The following HPS3 variants were observed in gnomAD, a reference collection of about 807,000 sequenced individuals.
The protein encoded by HPS3 is HPS3 biogenesis of lysosomal organelles complex 2 subunit 1.
A neutral mutation model predicts 110.9 loss-of-function variants in HPS3; 79 were observed. That is an observed-to-expected ratio of 0.71 (90% CI 0.59 to 0.86). HPS3 has a LOEUF of 0.86. HPS3 is among the 40% of genes least tolerant of loss of function. The pLI is 0.00. For missense variants in HPS3, 1,197 were observed against 1,206.2 expected, an observed-to-expected ratio of 0.99 and a Z score of 0.11; for synonymous variants, 428 against 451.0, an observed-to-expected ratio of 0.95 and a Z score of 0.65.
At chr3:149,163,046 G>A (rs1020280193) in intron 13 of HPS3, among the ~76,000 whole-genome samples, 168 bp downstream of exon 13, 21 of 152,090 alleles carry the variant, frequency 1.4e-4, no homozygotes, top group African/African-American at 5.1e-4. Flanking sequence ...AACTGAAGTG[G>A]CCTACATTTT....
chr3:149,157,428 C>T lies in HPS3; in HGVS notation c.1588C>T (p.Arg530Ter), dbSNP rs755841847. The T allele has an allele frequency of 9.3e-6, 15 of 1,613,858 alleles. No homozygotes were observed. Among genetic ancestry groups the T allele is most frequent in the East Asian group, 2.2e-5 (1 of 44,876 alleles). The change falls in exon 9 of 17, where the codon CGA (arginine) becomes TGA (stop). Residue 530 changes from arginine (R) to a stop codon, truncating the protein, a stop_gained. Transcript: ENST00000296051. LOFTEE classifies it high-confidence loss of function. The part of the protein sequence containing the change: ...HLLSEAHLLV[R>*]AALMDASQLE... ...TCTCAGTGAGGCTCATCTGTTAGTG[C>T]GAGCTGCCCTGATGGATGCCAGTCA... is the stretch of plus-strand genomic sequence containing the variant.
intron 11 of HPS3, among the ~76,000 whole-genome samples, chr3:149,161,786 A>C (rs546979795): frequency 6.6e-6 from 1 of 152,288 alleles, no homozygotes; most frequent in Non-Finnish European, 1.5e-5. Flanking sequence ...CTGGGATTAC[A>C]GGTGTGAGCT....
At position 149,145,512 on chromosome 3, in the gene HPS3, G is replaced by T; in HGVS notation, c.1129G>T (p.Val377Leu). ...GTATCCTGAAAAGTCTCAGCAGGCA[G>T]TACTCACGCCACAATTTTTGCACGT... The part of the protein sequence containing the change: ...YQYPEKSQQA[V>L]LTPQFLHVIT... Residue 377 changes from valine (V) to leucine (L), a missense_variant, in exon 5 of 17, where the codon GTA becomes TTA. Coordinates refer to ENST00000296051, the MANE Select transcript of HPS3 (RefSeq NM_032383.5). 1 of 1,614,098 alleles carries T rather than the reference G, an allele frequency of 6.2e-7. No individual in the cohort carries two copies. The highest frequency in any genetic ancestry group is 1.3e-5 in the African/African-American group (1 of 75,010).
In HPS3 at chr3:149,157,452, C is replaced by G. The variant is rs1381930551; in HGVS notation, c.1612C>G (p.Gln538Glu). Residue 538 changes from glutamine to glutamate, a missense_variant, in exon 9 of 17, where the codon CAG (glutamine) becomes GAG (glutamate). Physicochemically the swap from Gln to Glu is conservative, Grantham distance 29 (BLOSUM62 2). Coordinates refer to ENST00000296051, the MANE Select transcript of HPS3 (RefSeq NM_032383.5). ...LVRAALMDAS[Q>E]LEPGEKAELL... ...GCGAGCTGCCCTGATGGATGCCAGT[C>G]AGCTGGAACCTGGAGAGAAGGCAGA... 6.2e-7 allele frequency: 1 copy of G among 1,613,866 alleles called. No homozygotes were observed. Among genetic ancestry groups the G allele is most frequent in the Admixed American group, 1.7e-5 (1 of 59,958 alleles).
Position 149,171,018 on chromosome 3 carries a change from G to A in HPS3, c.2888-1077G>A, listed in dbSNP as rs138487607. On this transcript the variant is annotated intron_variant, in intron 16 of 16. Coordinates refer to ENST00000296051, the MANE Select transcript of HPS3 (RefSeq NM_032383.5). ...ACTGGGGCCAGGTGCGGTGGCTCAC[G>A]CCGGTAATCCCAGTGCTTTGGGAGG... 5.5e-4 allele frequency among the ~76,000 whole-genome samples: 83 copies of A among 152,266 alleles called. 1 individual carries two copies. The East Asian group carries it at 0.015, about 27-fold the overall frequency.
chr3:149,130,060 G>T (rs532390121), intron 1 of HPS3, 120 bp downstream of exon 1: 4 of 987,310 alleles, frequency 4.1e-6, no homozygotes, highest in Non-Finnish European at 6.0e-6. Flanking sequence ...CCCGGAATTT[G>T]CCGGATGGTC....
chr3:149,148,303 C>G (rs938453960), intron 5 of HPS3, among the ~76,000 whole-genome samples: 1 of 147,850 alleles, frequency 6.8e-6, no homozygotes, highest in African/African-American at 2.5e-5. Flanking sequence ...AAGCAAAGAA[C>G]AAAATAAAAT....
intron 1 of HPS3, among the ~76,000 whole-genome samples, chr3:149,135,439 C>T (rs751954584): frequency 1.3e-5 from 2 of 152,120 alleles, no homozygotes; most frequent in Non-Finnish European, 2.9e-5. Context: ...AGTGAATTCT[C>T]ATGAGATCTG....
Position 149,141,531 on chromosome 3 carries a change from GTTTTTTTTTTTTT to G in HPS3, c.970+160_970+172del, listed in dbSNP as rs10718838. 5 of 380,804 alleles carry G rather than the reference GTTTTTTTTTTTTT, an allele frequency of 1.3e-5. No homozygotes were observed. The East Asian group carries it at 2.2e-4, about 17-fold the overall frequency. 23.6% of individuals were successfully genotyped at this position (380,804 alleles called of 1,614,324 possible). A position where few individuals can be genotyped will look rare whatever the true frequency, so the allele number is the denominator to read the frequency against. On this transcript the variant is annotated intron_variant, in intron 4 of 16. Transcript: ENST00000296051. Reference sequence around the variant, plus strand: ...GCCCTTTAACAAAGTTTTTTTTTTTGTTTTTTTTTTTTTTTTTTTTTGAGACTGAGTCTCGCTT... The same window carrying G: ...GCCCTTTAACAAAGTTTTTTTTTTTGTTTTTTTTGAGACTGAGTCTCGCTT...
At chr3:149,168,536 C>T (rs55661870) in intron 16 of HPS3, 22,704 of 155,704 alleles carry the variant, frequency 0.15, 2,255 homozygotes, top group East Asian at 0.28. Context: ...TTCCCAATGA[C>T]AAAGGGTATG....
chr3:149,155,393 G>C (rs1428916758), intron 8 of HPS3, among the ~76,000 whole-genome samples, 178 bp downstream of exon 8: 1 of 152,048 alleles, frequency 6.6e-6, no homozygotes, highest in Admixed American at 6.6e-5. Flanking sequence ...TCTGACATCC[G>C]AGGAACCAGT....
rs1178638282 is a variant in HPS3 at position 149,167,035 on chromosome 3, C to T, written c.2591C>T (p.Ser864Phe). ...NYTEDLSKLQ[S>F]LICGPSFDIA... is the part of the protein sequence containing the mutation. Reference sequence around the variant, plus strand: ...AACATTTCACTTTTCTGTTCATAGTCTCTTATATGTGGTCCTTCATTTGAC... The same window carrying T: ...AACATTTCACTTTTCTGTTCATAGTTTCTTATATGTGGTCCTTCATTTGAC... The change falls in exon 15 of 17, where the codon TCT (serine) becomes TTT (phenylalanine). Residue 864 changes from serine to phenylalanine, a missense_variant and splice_region_variant. By Grantham distance (155) the Ser-to-Phe change is radical. Coordinates refer to ENST00000296051, the MANE Select transcript of HPS3 (RefSeq NM_032383.5). 5 of 1,609,542 alleles carry T rather than the reference C, an allele frequency of 3.1e-6. No individual in the cohort carries two copies. The highest frequency in any genetic ancestry group is 3.4e-6 in the Non-Finnish European group (4 of 1,176,274).
At chr3:149,135,489 A>AT (rs1722032039) in intron 1 of HPS3, among the ~76,000 whole-genome samples, 2 of 151,942 alleles carry the variant, frequency 1.3e-5, no homozygotes, top group Admixed American at 1.3e-4. Flanking sequence ...ACCCACACTT[A>AT]TTTTCTGTCC....
rs940606332 is a variant in HPS3, at chr3:149,129,955, G to A, written c.217+15G>A. On this transcript the variant is annotated intron_variant, in intron 1 of 16. Transcript: ENST00000296051. The stretch of plus-strand genomic sequence containing the variant: ...CAGCGAGGCTGGTGAGTAATCTAGA[G>A]AGCCAGGGGCCGCCTGGGGTCCAGC... 6.5e-7 allele frequency: 1 copy of A among 1,535,870 alleles called. No individual in the cohort carries two copies. Among genetic ancestry groups the A allele is most frequent in the Non-Finnish European group, 8.7e-7 (1 of 1,146,980 alleles).
At chr3:149,149,996 G>A (rs1040287813) in intron 5 of HPS3, among the ~76,000 whole-genome samples, 37 of 152,236 alleles carry the variant, frequency 2.4e-4, no homozygotes, top group African/African-American at 8.2e-4. Flanking sequence ...CCAGAGAGGC[G>A]GTGGACCAGT....
intron 1 of HPS3, among the ~76,000 whole-genome samples, chr3:149,136,168 A>G (rs1722078556): frequency 6.7e-6 from 1 of 149,140 alleles, no homozygotes; most frequent in African/African-American, 2.5e-5. Context: ...GTGTGTGTGT[A>G]TATATATACA....
At chr3:149,140,892 C>T (rs1722399363) in intron 2 of HPS3, 125 bp from the exon 3 acceptor site, 2 of 883,100 alleles carry the variant, frequency 2.3e-6, no homozygotes, top group African/African-American at 1.7e-5. Context: ...CTTTTCACAA[C>T]CACAGTGCCT....
chr3:149,134,824 C>T (rs1054491946), intron 1 of HPS3, among the ~76,000 whole-genome samples: 4 of 152,172 alleles, frequency 2.6e-5, no homozygotes, highest in Admixed American at 6.5e-5. Flanking sequence ...ATTAGCATCA[C>T]GGGTCATGTA....
chr3:149,161,571 G>T (rs887810567), intron 11 of HPS3, among the ~76,000 whole-genome samples: 1 of 144,148 alleles, frequency 6.9e-6, no homozygotes, highest in East Asian at 2.1e-4. Flanking sequence ...GTGCAGTGGC[G>T]CAATCTCAGC....
Sources: gnomAD v4.1 joint callset for allele counts (sites outside exome capture counted in the v4.1 genomes callset) on GRCh38, gnomAD v4.1.1 for gene constraint, MANE v1.5 for transcripts, NCBI Gene and HGNC (gene_info 2026-07-23, HGNC 2026-07-21) for gene names.